Variants in TTLL13 observed in about 807,000 individuals in gnomAD.
TTLL13 encodes the protein tubulin tyrosine ligase like 13.
At chr15:90,264,092 C>T in the TTLL13 span, 25 of 1,358,240 alleles carry the variant, frequency 1.8e-5, no homozygotes, top group African/African-American at 1.4e-4. Context: ...GTCATTTTGA[C>T]ATATGTAAAT....
the TTLL13 span, chr15:90,263,479 T>G: frequency 2.0e-6 from 1 of 496,088 alleles, no homozygotes; most frequent in East Asian, 3.2e-5. Context: ...TTCTGTATAA[T>G]TTTCTCCCTA....
the TTLL13 span, chr15:90,250,801 G>A: frequency 6.2e-7 from 1 of 1,614,154 alleles, no homozygotes; most frequent in East Asian, 2.2e-5. Context: ...CACCCATTAT[G>A]GCCACAAAAA....
chr15:90,256,577 CTTT>C, the TTLL13 span, among the ~76,000 whole-genome samples: 1,332 of 56,844 alleles, frequency 0.023, 36 homozygotes, highest in South Asian at 0.098. Context: ...TTCTTTCTTT[CTTT>C]CTTTCTTTCT....
At chr15:90,256,606 T>TTTCTTTCTTTCTTTCTTTCC in the TTLL13 span, among the ~76,000 whole-genome samples, 7 of 30,508 alleles carry the variant, frequency 2.3e-4, 1 homozygote, top group Admixed American at 8.3e-4. Flanking sequence ...TCTTTCTTTC[T>TTTCTTTCTTTCTTTCTTTCC]TTCCTTCCTT....
At chr15:90,263,519 G>C in the TTLL13 span, 1 of 532,888 alleles carries the variant, frequency 1.9e-6, no homozygotes, top group Non-Finnish European at 3.3e-6. Flanking sequence ...TCTAATGGGA[G>C]ATAAGTAAAC....
chr15:90,251,004 C>A, the TTLL13 span: 2 of 1,344,542 alleles, frequency 1.5e-6, no homozygotes, highest in Non-Finnish European at 2.0e-6. Flanking sequence ...CAAAAGAGGA[C>A]AGGAAATGCT....
chr15:90,262,833 G>A, the TTLL13 span: 1 of 1,246,404 alleles, frequency 8.0e-7, no homozygotes, highest in Non-Finnish European at 1.1e-6. Context: ...GTGAGAGAAT[G>A]GACAGCAAAA....
chr15:90,256,214 C>A, the TTLL13 span: 1 of 1,614,206 alleles, frequency 6.2e-7, no homozygotes, highest in Non-Finnish European at 8.5e-7. Context: ...CAGTGGCTGT[C>A]AGGGACGTGG....
the TTLL13 span, chr15:90,263,685 A>T: frequency 3.2e-6 from 2 of 615,712 alleles, no homozygotes; most frequent in African/African-American, 3.7e-5. Flanking sequence ...CCTTCTTCCA[A>T]CGCTCCATCC....
the TTLL13 span, chr15:90,250,940 G>A: frequency 6.3e-7 from 1 of 1,582,562 alleles, no homozygotes; most frequent in East Asian, 2.2e-5. Flanking sequence ...GTCACCCATT[G>A]GCCTCCCTTC....
chr15:90,256,913 C>G, the TTLL13 span, among the ~76,000 whole-genome samples: 1 of 152,014 alleles, frequency 6.6e-6, no homozygotes, highest in African/African-American at 2.4e-5. Context: ...GTCTTGAACT[C>G]CTGAACTCGT....
the TTLL13 span, among the ~76,000 whole-genome samples, chr15:90,252,056 T>TTTTTTTTTTTTTG: frequency 2.0e-5 from 3 of 151,184 alleles, no homozygotes; most frequent in South Asian, 2.1e-4. Flanking sequence ...TTTTTTTTTT[T>TTTTTTTTTTTTTG]GAGACCGAGT....
chr15:90,257,304 T>C, the TTLL13 span: 1 of 1,596,122 alleles, frequency 6.3e-7, no homozygotes, highest in Admixed American at 1.8e-5. Context: ...GGAAGCACTC[T>C]TCTTTTCCAC....
At chr15:90,261,420 A>G in the TTLL13 span, among the ~76,000 whole-genome samples, 3 of 150,248 alleles carry the variant, frequency 2.0e-5, no homozygotes, top group South Asian at 2.1e-4. Context: ...ATATCAAAAC[A>G]TATGTTACTT....
At chr15:90,256,681 T>C in the TTLL13 span, among the ~76,000 whole-genome samples, 5 of 150,922 alleles carry the variant, frequency 3.3e-5, no homozygotes, top group Admixed American at 1.3e-4. Context: ...CTTCCTTCTT[T>C]CTCTCTACCT....
chr15:90,265,073 A>T, the TTLL13 span: 1 of 1,381,462 alleles, frequency 7.2e-7, no homozygotes. Flanking sequence ...CACTTTGAAA[A>T]GCCCTGCCCA....
chr15:90,264,042 A>G, the TTLL13 span: 2 of 1,535,108 alleles, frequency 1.3e-6, no homozygotes, highest in Admixed American at 3.9e-5. Context: ...CCAGTGCCAG[A>G]ATCAGGCTCA....
the TTLL13 span, among the ~76,000 whole-genome samples, chr15:90,261,668 T>C: frequency 1.3e-5 from 2 of 152,052 alleles, no homozygotes; most frequent in Non-Finnish European, 2.9e-5. Flanking sequence ...TAATCCCAGC[T>C]ACTTGGGAGG....
At chr15:90,251,583 A>C in the TTLL13 span, 1 of 1,613,988 alleles carries the variant, frequency 6.2e-7, no homozygotes. Flanking sequence ...ACCAACTGCA[A>C]GTATGAGAGT....
Sources: gnomAD v4.1 joint callset for allele counts (sites outside exome capture counted in the v4.1 genomes callset) on GRCh38, gnomAD v4.1.1 for gene constraint, MANE v1.5 for transcripts, NCBI Gene and HGNC (gene_info 2026-07-23, HGNC 2026-07-21) for gene names.